KTN1: variants seen among roughly 807,000 people sequenced by gnomAD.
KTN1 encodes kinectin 1, also known as kinectin.
A neutral mutation model predicts 222.5 loss-of-function variants in KTN1; 130 were observed. The observed-to-expected ratio is 0.58, with a 90% CI of 0.51 to 0.68. KTN1 has a LOEUF of 0.68. KTN1 is among the 30% of genes least tolerant of loss of function. The pLI is 0.00. For synonymous variants in KTN1, 512 were observed against 496.3 expected, an observed-to-expected ratio of 1.03 and a Z score of -0.42; for missense variants, 1,508 against 1,500.4, an observed-to-expected ratio of 1.01 and a Z score of -0.08.
chr14:55,667,177 CT>C, intron 33 of KTN1, 63 bp from the exon 34 acceptor site: 1 of 1,059,918 alleles, frequency 9.4e-7, no homozygotes, highest in South Asian at 1.5e-5. Context: ...TAGTTTTTTT[CT>C]TTTCTTTTTT....
At chr14:55,667,438 G>C in intron 34 of KTN1, 108 bp downstream of exon 34, 1 of 560,754 alleles carries the variant, frequency 1.8e-6, no homozygotes, top group South Asian at 2.8e-5. Context: ...CTGATTTCTT[G>C]ATCTTTCCTA....
intron 1 of KTN1, among the ~76,000 whole-genome samples, chr14:55,591,605 T>A (rs2034152631): frequency 7.5e-6 from 1 of 133,096 alleles, no homozygotes; most frequent in Non-Finnish European, 1.7e-5. Flanking sequence ...TTTTTTTTTT[T>A]GAGACGGAAT....
intron 1 of KTN1, chr14:55,607,436 A>G (rs1404320117): frequency 1.3e-5 from 2 of 149,562 alleles, no homozygotes; most frequent in African/African-American, 4.9e-5. Context: ...GAATCCAGAA[A>G]CCTGGAGATT....
chr14:55,675,856 ACACT>A lies in KTN1; in HGVS notation c.3797_3800del (p.Leu1266GlnfsTer13). 1 of 1,612,342 alleles carries A rather than the reference ACACT, an allele frequency of 6.2e-7. No individual in the cohort carries two copies. Among genetic ancestry groups the A allele is most frequent in the Non-Finnish European group, 8.5e-7 (1 of 1,178,490 alleles). ...ACAGTTGAAGGCACAGTTAAATGAA[ACACT>A]CACAAAACTTAGAACTGAACAAAAT... is the stretch of plus-strand genomic sequence containing the variant. On this transcript the variant is annotated frameshift_variant, in exon 41 of 44. Coordinates refer to ENST00000395314, the MANE Select transcript of KTN1 (RefSeq NM_001079521.2). LOFTEE classifies it high-confidence loss of function.
At chr14:55,620,403 T>C (rs938935018) in intron 5 of KTN1, among the ~76,000 whole-genome samples, 1 of 152,178 alleles carries the variant, frequency 6.6e-6, no homozygotes, top group Non-Finnish European at 1.5e-5. Context: ...ACTTAGTGTG[T>C]AGGTTTCAAC....
chr14:55,661,287 T>C (rs953520392), intron 31 of KTN1: 15 of 345,396 alleles, frequency 4.3e-5, no homozygotes, highest in African/African-American at 3.2e-4. Flanking sequence ...GAGATTTCTC[T>C]TTAGCACAAG....
intron 1 of KTN1, among the ~76,000 whole-genome samples, chr14:55,600,328 TA>T (rs771160859): frequency 4.6e-5 from 7 of 152,060 alleles, no homozygotes; most frequent in Non-Finnish European, 1.0e-4. Flanking sequence ...AATTTTGAAG[TA>T]AGTTTTTCTA....
chr14:55,613,962 G>A (rs2037980749), intron 2 of KTN1, among the ~76,000 whole-genome samples: 1 of 152,186 alleles, frequency 6.6e-6, no homozygotes, highest in Non-Finnish European at 1.5e-5. Flanking sequence ...GCTTTACAGG[G>A]GAGGCAGTTC....
intron 40 of KTN1, chr14:55,674,001 T>G (rs1025554380): frequency 6.8e-6 from 1 of 146,404 alleles, no homozygotes; most frequent in Non-Finnish European, 1.5e-5. Flanking sequence ...AGGGATTAGA[T>G]TTTTTTTTTT....
At chr14:55,665,847 A>G (rs2044678892) in intron 33 of KTN1, among the ~76,000 whole-genome samples, 1 of 152,024 alleles carries the variant, frequency 6.6e-6, no homozygotes, top group African/African-American at 2.4e-5. Flanking sequence ...TAAAATTGTT[A>G]ATACCAAATA....
At position 55,627,826 on chromosome 14, in the gene KTN1, G is replaced by T. The variant is rs183041506; in HGVS notation, c.964-86G>T. 6.6e-3 allele frequency: 5,133 copies of T among 775,006 alleles called. 27 individuals carry two copies. The highest frequency in any genetic ancestry group is 9.4e-3 in the Non-Finnish European group (4,117 of 438,498). 48.0% of individuals were successfully genotyped at this position (775,006 alleles called of 1,614,324 possible). A position where few individuals can be genotyped will look rare whatever the true frequency, so the allele number is the denominator to read the frequency against. ...TTTTTATGGCTGCATAGTATTCCATGGTGTATATGTGCCACATTTCATTTT... is the reference window on the plus strand; with the variant it reads ...TTTTTATGGCTGCATAGTATTCCATTGTGTATATGTGCCACATTTCATTTT... On this transcript the variant is annotated intron_variant, in intron 5 of 43. Transcript: ENST00000395314.
In KTN1 at chr14:55,678,407, C is replaced by T. The variant is rs1423268421; in HGVS notation, c.3911C>T (p.Thr1304Ile). 1.9e-6 allele frequency: 3 copies of T among 1,611,822 alleles called. No individual in the cohort carries two copies. The African/African-American group carries it at 4.0e-5, about 22-fold the overall frequency. The change falls in exon 42 of 44, where the codon ACT (threonine) becomes ATT (isoleucine). Residue 1304 changes from threonine to isoleucine, a missense_variant. Coordinates refer to ENST00000395314, the MANE Select transcript of KTN1 (RefSeq NM_001079521.2). ...AAAATAGTAAAAGCTGCTGGAGACA[C>T]TACTGTTATTGAAAATAGTGATGTT... ...QSKIVKAAGD[T>I]TVIENSDVSP...
chr14:55,638,933 A>C (rs1423128941), intron 12 of KTN1, among the ~76,000 whole-genome samples: 1 of 151,780 alleles, frequency 6.6e-6, no homozygotes, highest in African/African-American at 2.4e-5. Context: ...TCAATTATTT[A>C]GTTTCCAGGC....
intron 1 of KTN1, among the ~76,000 whole-genome samples, chr14:55,605,392 G>A (rs767169904): frequency 2.0e-5 from 3 of 152,004 alleles, no homozygotes; most frequent in Non-Finnish European, 4.4e-5. Context: ...GGCTTATCAC[G>A]TGTTCTGTTA....
At chr14:55,680,514 A>G (rs192384210) in intron 43 of KTN1, 30 of 436,610 alleles carry the variant, frequency 6.9e-5, no homozygotes, top group Admixed American at 5.7e-4. Context: ...CTCTAAAACA[A>G]TCATGATATC....
At chr14:55,667,217 G>C (rs1166523524) in intron 33 of KTN1, 24 bp from the exon 34 acceptor site, 6 of 1,380,288 alleles carry the variant, frequency 4.3e-6, no homozygotes, top group Admixed American at 1.9e-5. Flanking sequence ...TTGTAAGTTT[G>C]ATTTGGCTCA....
At chr14:55,580,395 G>A (rs2031066547) in intron 1 of KTN1, 41 bp downstream of exon 1, 1 of 146,796 alleles carries the variant, frequency 6.8e-6, no homozygotes, top group African/African-American at 2.4e-5. Context: ...CGCCGGCGGC[G>A]GGGAGCGCGG....
Position 55,641,483 on chromosome 14 carries a change from C to G in KTN1, c.2104-209C>G, listed in dbSNP as rs145902784. On this transcript the variant is annotated intron_variant, in intron 17 of 43. Coordinates refer to ENST00000395314, the MANE Select transcript of KTN1 (RefSeq NM_001079521.2). ...ACTGTCTTATTTGTCTCCACTGTTG[C>G]TGTAGTTCTAGTTTCTGGTCATGGC... Among the ~76,000 whole-genome samples the G allele has an allele frequency of 1.1e-4, 16 of 152,142 alleles. 1 individual carries two copies. In the East Asian group the frequency reaches 3.1e-3, roughly 29 times the overall value.
chr14:55,675,758 C>A, intron 40 of KTN1, 77 bp from the exon 41 acceptor site: 1 of 929,882 alleles, frequency 1.1e-6, no homozygotes, highest in Non-Finnish European at 1.7e-6. Context: ...CCCATTCATT[C>A]TTCAGTCCTA....
Sources: allele counts gnomAD v4.1 joint callset (sites outside exome capture counted in the v4.1 genomes callset), GRCh38; gene constraint gnomAD v4.1.1; transcripts MANE v1.5; gene names NCBI Gene and HGNC (gene_info 2026-07-23, HGNC 2026-07-21).